The following ABCA13 variants were observed in gnomAD, a reference collection of about 807,000 sequenced individuals.
ABCA13 encodes ATP-binding cassette sub-family A member 13.
ABCA13 carries 476 observed loss-of-function variants against 478.7 expected under a neutral mutation model. The observed-to-expected ratio is 0.99, with a 90% confidence interval of 0.92 to 1.07. The LOEUF (loss-of-function observed/expected upper bound fraction) is 1.07, where lower values mean the gene tolerates loss of function less well. Ranked by LOEUF, ABCA13 falls within the 50% of genes least tolerant of loss-of-function variation. The pLI is 0.00. For missense variants in ABCA13, 6,060 were observed against 5,910.6 expected (o/e 1.03, Z -0.83); for synonymous variants, 2,252 against 2,158.9 (o/e 1.04, Z -1.20).
intron 13 of ABCA13, among the ~76,000 whole-genome samples, chr7:48,247,757 A>C (rs940751245): frequency 1.3e-5 from 2 of 152,098 alleles, no homozygotes; most frequent in African/African-American, 4.8e-5. Flanking sequence ...GACTTCTGAC[A>C]TGGCTATCCA....
intron 1 of ABCA13, among the ~76,000 whole-genome samples, chr7:48,184,087 T>C (rs1214877000): frequency 6.6e-6 from 1 of 152,230 alleles, no homozygotes; most frequent in South Asian, 2.1e-4. Context: ...TTCCTGTTTA[T>C]GCATATGGTC....
Position 48,229,870 on chromosome 7 carries a change from A to G in ABCA13, c.678A>G (p.Gln226=), listed in dbSNP as rs776172158. The G allele has an allele frequency of 3.1e-6, 5 of 1,614,004 alleles. No homozygotes were observed. Among genetic ancestry groups the G allele is most frequent in the Middle Eastern group, 1.6e-4 (1 of 6,062 alleles). ...LEDLDWLPLN[Q]TFSQVSELVL... Reference sequence around the variant, plus strand: ...ATTTAGATTGGCTTCCACTCAACCAAACTTTTTCCCAGGTTTCTGAACTTG... The same window carrying G: ...ATTTAGATTGGCTTCCACTCAACCAGACTTTTTCCCAGGTTTCTGAACTTG... Residue 226 remains glutamine, a synonymous_variant, in exon 7 of 62, where the codon CAA becomes CAG. Transcript: ENST00000435803.
chr7:48,593,120 C>T (rs1789920683), intron 57 of ABCA13, among the ~76,000 whole-genome samples: 1 of 151,616 alleles, frequency 6.6e-6, no homozygotes, highest in South Asian at 2.1e-4. Context: ...TAATTGTTTT[C>T]TGGCTATTTT....
intron 59 of ABCA13, among the ~76,000 whole-genome samples, chr7:48,631,457 A>G (rs968131455): frequency 2.6e-5 from 4 of 152,050 alleles, no homozygotes; most frequent in Non-Finnish European, 5.9e-5. Flanking sequence ...AAGATTAGAT[A>G]GTTGTAGGTG....
chr7:48,546,796 A>G, intron 55 of ABCA13, among the ~76,000 whole-genome samples: 1 of 151,762 alleles, frequency 6.6e-6, no homozygotes, highest in Non-Finnish European at 1.5e-5. Context: ...TGTGCTTCAT[A>G]TAAACCAATG....
At chr7:48,598,613 A>T (rs1287789510) in intron 58 of ABCA13, among the ~76,000 whole-genome samples, 1 of 152,154 alleles carries the variant, frequency 6.6e-6, no homozygotes, top group Non-Finnish European at 1.5e-5. Flanking sequence ...TGATTTGCAA[A>T]TATGTATTTC....
chr7:48,242,960 T>G (rs1373378858), intron 10 of ABCA13: 4 of 152,250 alleles, frequency 2.6e-5, no homozygotes, highest in African/African-American at 9.6e-5. Flanking sequence ...GTTTTTCGTG[T>G]CATTACAGAC....
At chr7:48,452,100 G>A (rs926211517) in intron 42 of ABCA13, among the ~76,000 whole-genome samples, 6 of 152,008 alleles carry the variant, frequency 3.9e-5, no homozygotes, top group African/African-American at 1.2e-4. Flanking sequence ...TAACATATAC[G>A]GGAAGGTGGA....
At chr7:48,442,861 G>T (rs1823812617) in intron 42 of ABCA13, among the ~76,000 whole-genome samples, 2 of 152,158 alleles carry the variant, frequency 1.3e-5, no homozygotes, top group African/African-American at 2.4e-5. Flanking sequence ...TAAGTTATGG[G>T]GCTATTCTCT....
At chr7:48,418,506 G>A (rs1176531520) in intron 41 of ABCA13, among the ~76,000 whole-genome samples, 2 of 152,130 alleles carry the variant, frequency 1.3e-5, no homozygotes, top group Non-Finnish European at 2.9e-5. Flanking sequence ...TGTCTGTTTA[G>A]GTCTCTGGCC....
At chr7:48,510,393 G>T (rs978545962) in intron 50 of ABCA13, among the ~76,000 whole-genome samples, 2 of 152,166 alleles carry the variant, frequency 1.3e-5, no homozygotes, top group Admixed American at 1.3e-4. Flanking sequence ...GGAAAGCCAT[G>T]GCTATTGTTG....
chr7:48,513,008 C>G (rs1831824484), intron 51 of ABCA13, among the ~76,000 whole-genome samples: 1 of 152,132 alleles, frequency 6.6e-6, no homozygotes, highest in Admixed American at 6.5e-5. Flanking sequence ...GAAGGTAGCT[C>G]TTTCTTCATT....
chr7:48,193,964 T>G (rs1353040630), intron 2 of ABCA13, among the ~76,000 whole-genome samples: 1 of 84,196 alleles, frequency 1.2e-5, no homozygotes, highest in Non-Finnish European at 2.5e-5. Flanking sequence ...TCATTATGAT[T>G]GAGATGATGG....
At position 48,481,066 on chromosome 7, in the gene ABCA13, T is replaced by C. The variant is rs559124769; in HGVS notation, c.13006T>C (p.Tyr4336His). Reference protein sequence around the residue: ...KCPNRSASAPYLTNHLGHTLL... With the variant: ...KCPNRSASAPHLTNHLGHTLL... The stretch of plus-strand genomic sequence containing the variant: ...TCCAAATAGAAGTGCTAGTGCTCCC[T>C]ACCTGACCAACCACCTGGGCCACAC... Residue 4336 changes from tyrosine (Y) to histidine (H), a missense_variant, in exon 46 of 62, where the codon TAC becomes CAC. Physicochemically the swap from Tyr to His is moderately conservative, Grantham distance 83. Coordinates refer to ENST00000435803, the MANE Select transcript of ABCA13 (RefSeq NM_152701.5). 5.1e-5 allele frequency: 82 copies of C among 1,601,786 alleles called. 2 individuals are homozygous for C. The South Asian group carries it at 8.6e-4, about 17-fold the overall frequency.
chr7:48,381,226 C>G (rs977131035), intron 35 of ABCA13, among the ~76,000 whole-genome samples: 2 of 152,052 alleles, frequency 1.3e-5, no homozygotes, highest in Non-Finnish European at 2.9e-5. Flanking sequence ...TTGGCATCAT[C>G]ATACTTGAGT....
At chr7:48,367,727 A>G in intron 31 of ABCA13, 67 bp from the exon 32 acceptor site, 1 of 1,282,716 alleles carries the variant, frequency 7.8e-7, no homozygotes, top group Non-Finnish European at 1.1e-6. Context: ...ACTTGGAAGA[A>G]AAATGTAAAA....
intron 47 of ABCA13, among the ~76,000 whole-genome samples, chr7:48,489,029 T>A (rs1048041595): frequency 1.3e-5 from 2 of 152,202 alleles, no homozygotes; most frequent in Non-Finnish European, 2.9e-5. Flanking sequence ...TATTTTTAGC[T>A]GTAAATTATA....
At chr7:48,602,739 G>GT (rs1192865669) in intron 58 of ABCA13, among the ~76,000 whole-genome samples, 15 of 149,036 alleles carry the variant, frequency 1.0e-4, no homozygotes, top group Admixed American at 3.3e-4. Context: ...AATTTAAAGT[G>GT]GTTTTTTTTT....
chr7:48,264,342 T>A (rs1412678260), intron 15 of ABCA13, among the ~76,000 whole-genome samples: 1 of 151,878 alleles, frequency 6.6e-6, no homozygotes, highest in Non-Finnish European at 1.5e-5. Context: ...ATGCTTAGCC[T>A]TTTACAAAAT....
Sources: gnomAD v4.1 joint callset for allele counts (sites outside exome capture counted in the v4.1 genomes callset) on GRCh38, gnomAD v4.1.1 for gene constraint, MANE v1.5 for transcripts, NCBI Gene and HGNC (gene_info 2026-07-23, HGNC 2026-07-21) for gene names.